The following ADAMTS20 variants were observed in gnomAD, a reference collection of about 807,000 sequenced individuals.
ADAMTS20 encodes the protein A disintegrin and metalloproteinase with thrombospondin motifs 20.
Under a neutral mutation model 260.1 loss-of-function variants are expected in ADAMTS20, and 225 were observed. The observed-to-expected ratio is 0.87, with a 90% confidence interval of 0.78 to 0.97. The LOEUF is 0.97. ADAMTS20 is among the 50% of genes least tolerant of loss of function. The pLI, the probability that ADAMTS20 is intolerant of heterozygous loss-of-function variation, is 0.00. For synonymous variants in ADAMTS20, 802 were observed against 769.5 expected (o/e 1.04, Z -0.70); for missense variants, 2,400 against 2,337.7 (o/e 1.03, Z -0.55).
chr12:43,451,894 A>T (rs1169218284), intron 14 of ADAMTS20, among the ~76,000 whole-genome samples: 2 of 152,190 alleles, frequency 1.3e-5, no homozygotes, highest in Non-Finnish European at 2.9e-5. Context: ...GGAGAATATC[A>T]ATGGTTTCAA....
Position 43,442,447 on chromosome 12 carries a change from G to A in ADAMTS20, c.2290+1344C>T, listed in dbSNP as rs111875530. On this transcript the variant is annotated intron_variant, in intron 16 of 38. Transcript: ENST00000389420. ...TAATTTTTGTATTTTTAGTAGACAC[G>A]GGGTTTTGCCATGTTGGTCAGGCTG... 8.3e-3 allele frequency among the ~76,000 whole-genome samples: 1,262 copies of A among 151,948 alleles called. 21 individuals are homozygous for A. The highest frequency in any genetic ancestry group is 0.029 in the African/African-American group (1,205 of 41,440).
intron 2 of ADAMTS20, among the ~76,000 whole-genome samples, chr12:43,536,820 A>G (rs925382389): frequency 1.3e-5 from 2 of 152,194 alleles, no homozygotes; most frequent in African/African-American, 4.8e-5. Context: ...CACTCCTCAC[A>G]CCTCAGAATC....
chr12:43,360,264 C>G (rs1352140328), intron 37 of ADAMTS20, among the ~76,000 whole-genome samples: 1 of 152,042 alleles, frequency 6.6e-6, no homozygotes. Flanking sequence ...GCCTGGCCAA[C>G]AGGGTGAAAC....
At chr12:43,399,453 A>C (rs573676071) in intron 28 of ADAMTS20, among the ~76,000 whole-genome samples, 1 of 152,292 alleles carries the variant, frequency 6.6e-6, no homozygotes, top group South Asian at 2.1e-4. Flanking sequence ...ACATTTTTAT[A>C]ATTTATTCTA....
chr12:43,356,360 A>C, intron 38 of ADAMTS20, 124 bp downstream of exon 38: 1 of 594,428 alleles, frequency 1.7e-6, no homozygotes, highest in Non-Finnish European at 3.0e-6. Flanking sequence ...TAATATACCC[A>C]TTATATGCAA....
chr12:43,466,198 C>A (rs1433615679), intron 9 of ADAMTS20, among the ~76,000 whole-genome samples: 3 of 151,952 alleles, frequency 2.0e-5, no homozygotes, highest in Non-Finnish European at 2.9e-5. Context: ...ATCTCTGTGG[C>A]TTTAGAGAAC....
intron 28 of ADAMTS20, among the ~76,000 whole-genome samples, chr12:43,409,162 T>C (rs1401354453): frequency 6.6e-6 from 1 of 152,078 alleles, no homozygotes; most frequent in Non-Finnish European, 1.5e-5. Flanking sequence ...TAGAATACTA[T>C]GACACTAAAA....
At position 43,446,631 on chromosome 12, in the gene ADAMTS20, T is replaced by G; in HGVS notation, c.2161A>C (p.Lys721Gln). 1 of 1,613,398 alleles carries G rather than the reference T, an allele frequency of 6.2e-7. No homozygotes were observed. Among genetic ancestry groups the G allele is most frequent in the Non-Finnish European group, 8.5e-7 (1 of 1,179,544 alleles). The change falls in exon 15 of 39, where the codon AAG (lysine) becomes CAG (glutamine). Residue 721 changes from lysine (K) to glutamine (Q), a missense_variant. Physicochemically the swap from Lys to Gln is moderately conservative, Grantham distance 53. Coordinates refer to ENST00000389420, the MANE Select transcript of ADAMTS20 (RefSeq NM_025003.5). ...GVCGGDNSSCKTITGVFNSSH... is the reference protein window; with the variant it reads ...GVCGGDNSSCQTITGVFNSSH... Reference sequence around the variant, plus strand: ...CTGTTGAAGACACCTGTTATTGTCTTGCATGAAGAGTTGTCCCCACCACAC... The same window carrying G: ...CTGTTGAAGACACCTGTTATTGTCTGGCATGAAGAGTTGTCCCCACCACAC...
At chr12:43,535,514 G>A (rs929377923) in intron 2 of ADAMTS20, among the ~76,000 whole-genome samples, 2 of 152,036 alleles carry the variant, frequency 1.3e-5, no homozygotes, top group African/African-American at 4.8e-5. Flanking sequence ...TGCTAAATTT[G>A]AAAGTAGGCT....
intron 37 of ADAMTS20, among the ~76,000 whole-genome samples, chr12:43,361,135 G>T (rs555481804): frequency 6.6e-6 from 1 of 152,280 alleles, no homozygotes; most frequent in African/African-American, 2.4e-5. Context: ...AGTGCCATAT[G>T]TGTCCATACT....
intron 29 of ADAMTS20, among the ~76,000 whole-genome samples, chr12:43,388,071 AC>A: frequency 6.6e-6 from 1 of 151,836 alleles, no homozygotes; most frequent in East Asian, 1.9e-4. Context: ...GGTGCCACGT[AC>A]AAAAAAAAAA....
intron 26 of ADAMTS20, among the ~76,000 whole-genome samples, chr12:43,427,745 A>G (rs1375338223): frequency 1.3e-5 from 2 of 152,232 alleles, no homozygotes; most frequent in Non-Finnish European, 2.9e-5. Context: ...AAAAGAAATT[A>G]AAGTTTTTGA....
At position 43,387,693 on chromosome 12, in the gene ADAMTS20, A is replaced by G. The variant is rs181800344; in HGVS notation, c.4453-3716T>C. Among the ~76,000 whole-genome samples, 228 of 152,356 alleles carry G rather than the reference A, an allele frequency of 1.5e-3. 1 individual carries two copies. Among genetic ancestry groups the G allele is most frequent in the African/African-American group, 4.6e-3 (193 of 41,586 alleles). On this transcript the variant is annotated intron_variant, in intron 29 of 38. Transcript: ENST00000389420. ...CTTTCAGAGATACCCTACCCAGAGC[A>G]GAGGAATCTAGAGAGGCAGCTTGGC...
intron 14 of ADAMTS20, among the ~76,000 whole-genome samples, chr12:43,450,713 T>C (rs2137348414): frequency 1.3e-5 from 2 of 152,250 alleles, no homozygotes; most frequent in East Asian, 3.9e-4. Flanking sequence ...CTTATACTTA[T>C]ATTTTTAATT....
intron 37 of ADAMTS20, among the ~76,000 whole-genome samples, chr12:43,364,078 A>G (rs1169988627): frequency 6.6e-6 from 1 of 152,192 alleles, no homozygotes; most frequent in Non-Finnish European, 1.5e-5. Context: ...CCTGAAGGAG[A>G]GGAGCATCAC....
At chr12:43,537,983 G>A (rs1226745395) in intron 2 of ADAMTS20, among the ~76,000 whole-genome samples, 1 of 152,196 alleles carries the variant, frequency 6.6e-6, no homozygotes, top group Admixed American at 6.5e-5. Context: ...AACAGTGGGA[G>A]TACAGATATC....
At chr12:43,462,161 T>C (rs755543664) in intron 11 of ADAMTS20, among the ~76,000 whole-genome samples, 30 of 152,224 alleles carry the variant, frequency 2.0e-4, no homozygotes, top group Non-Finnish European at 3.5e-4. Flanking sequence ...CTTTTTTGGC[T>C]AATGTGAAGG....
chr12:43,434,170 T>C, intron 19 of ADAMTS20, 75 bp downstream of exon 19: 3 of 1,427,368 alleles, frequency 2.1e-6, no homozygotes, highest in South Asian at 2.7e-5. Context: ...CCATGCTGTG[T>C]CAGTCACTGT....
intron 8 of ADAMTS20, among the ~76,000 whole-genome samples, 191 bp from the exon 9 acceptor site, chr12:43,466,986 T>C (rs548577878): frequency 6.8e-6 from 1 of 147,980 alleles, no homozygotes; most frequent in South Asian, 2.3e-4. Context: ...CTGAGAAATA[T>C]TATAGGCTGG....
Sources: allele counts gnomAD v4.1 joint callset (sites outside exome capture counted in the v4.1 genomes callset), GRCh38; gene constraint gnomAD v4.1.1; transcripts MANE v1.5; gene names NCBI Gene and HGNC (gene_info 2026-07-23, HGNC 2026-07-21).